KNSTRN: variants seen among roughly 807,000 people sequenced by gnomAD.
KNSTRN encodes small kinetochore-associated protein.
Under a neutral mutation model 44.7 loss-of-function variants are expected in KNSTRN, and 38 were observed. The observed-to-expected ratio is 0.85, with a 90% CI of 0.66 to 1.11. The LOEUF is 1.11. Ranked by LOEUF, KNSTRN falls within the 50% of genes most tolerant of loss-of-function variation. KNSTRN has a pLI of 0.00. For missense variants in KNSTRN, 406 were observed against 375.8 expected (o/e 1.08, Z -0.66); for synonymous variants, 158 against 148.1 (o/e 1.07, Z -0.48).
Position 40,382,775 on chromosome 15 carries a change from G to C in KNSTRN, c.-61G>C, listed in dbSNP as rs1889826531. 1.4e-6 allele frequency: 2 copies of C among 1,465,080 alleles called. No individual in the cohort carries two copies. Among genetic ancestry groups the C allele is most frequent in the African/African-American group, 1.4e-5 (1 of 71,496 alleles). 90.8% of individuals were successfully genotyped at this position (1,465,080 alleles called of 1,614,324 possible). The stretch of plus-strand genomic sequence containing the variant: ...TCACCCTCCTCCTCTGCCCAGACCT[G>C]GGGGCTCCAACACCTTTCGCTAGGT... On this transcript the variant is annotated 5_prime_UTR_variant, in exon 1 of 9. Transcript: ENST00000249776.
At chr15:40,392,364 A>G (rs752407319) in intron 8 of KNSTRN, among the ~76,000 whole-genome samples, 8 of 152,170 alleles carry the variant, frequency 5.3e-5, no homozygotes, top group Admixed American at 6.5e-5. Flanking sequence ...CCCAATAGTA[A>G]CATCTTACAT....
intron 4 of KNSTRN, among the ~76,000 whole-genome samples, chr15:40,387,589 A>C (rs1417404323): frequency 6.6e-6 from 1 of 152,212 alleles, no homozygotes; most frequent in Non-Finnish European, 1.5e-5. Context: ...AACCTGGAGA[A>C]GGATTCATGT....
At chr15:40,393,313 GA>G in intron 8 of KNSTRN, 155 bp from the exon 9 acceptor site, 2 of 1,607,210 alleles carry the variant, frequency 1.2e-6, no homozygotes, top group Non-Finnish European at 1.7e-6. Context: ...CCAGTGCATA[GA>G]AATAAAATCT....
At chr15:40,388,659 C>T (rs2141274453) in intron 4 of KNSTRN, among the ~76,000 whole-genome samples, 1 of 151,448 alleles carries the variant, frequency 6.6e-6, no homozygotes, top group East Asian at 1.9e-4. Flanking sequence ...CACGCCACTG[C>T]ACTCCAGCCT....
At chr15:40,390,885 G>A (rs1357403076) in intron 6 of KNSTRN, among the ~76,000 whole-genome samples, 2 of 152,102 alleles carry the variant, frequency 1.3e-5, no homozygotes, top group African/African-American at 2.4e-5. Context: ...AGAGTGCTGG[G>A]TTTACAGACA....
chr15:40,391,394 C>G, intron 6 of KNSTRN, 99 bp from the exon 7 acceptor site: 1 of 945,636 alleles, frequency 1.1e-6, no homozygotes, highest in South Asian at 1.4e-5. Context: ...AGAAATTCCC[C>G]TCATGAATAT....
intron 4 of KNSTRN, 21 bp downstream of exon 4, chr15:40,387,227 A>G (rs1431630508): frequency 3.8e-6 from 6 of 1,590,816 alleles, no homozygotes; most frequent in South Asian, 1.1e-5. Context: ...GGGTAAATCA[A>G]CTTGGCCACT....
intron 2 of KNSTRN, 114 bp from the exon 3 acceptor site, chr15:40,386,248 T>G: frequency 1.8e-6 from 2 of 1,121,592 alleles, no homozygotes; most frequent in South Asian, 3.5e-5. Flanking sequence ...TAATACTTTT[T>G]AAAATAAAGT....
rs182324939 is a variant in KNSTRN at position 40,382,807 on chromosome 15, C to G, written c.-29C>G. The G allele has an allele frequency of 4.1e-4, 655 of 1,598,434 alleles. 5 individuals carry two copies. The African/African-American group carries it at 7.2e-3, about 18-fold the overall frequency. ...CCAACACCTTTCGCTAGGTCTGGCT[C>G]TGGCCTCTGAGCGAACCTTCCGTAC... On this transcript the variant is annotated 5_prime_UTR_variant, in exon 1 of 9. Transcript: ENST00000249776.
chr15:40,385,803 T>A (rs986244915), intron 2 of KNSTRN, among the ~76,000 whole-genome samples: 3 of 152,220 alleles, frequency 2.0e-5, no homozygotes, highest in African/African-American at 7.2e-5. Context: ...CCATGTTCAC[T>A]TTTACAGCCT....
chr15:40,386,810 G>C (rs1889910903), intron 3 of KNSTRN: 3 of 503,082 alleles, frequency 6.0e-6, no homozygotes, highest in Non-Finnish European at 1.1e-5. Context: ...TGTTATCCTA[G>C]GTTGCTGCTC....
At chr15:40,383,540 T>G (rs1424771649) in intron 2 of KNSTRN, 1 of 548,572 alleles carries the variant, frequency 1.8e-6, no homozygotes, top group Admixed American at 3.2e-5. Context: ...TCTGCCCGCA[T>G]GTGTACTGTA....
At position 40,382,871 on chromosome 15, in the gene KNSTRN, T is replaced by G. The variant is rs769292931; in HGVS notation, c.36T>G (p.Val12=). 1 of 1,612,196 alleles carries G rather than the reference T, an allele frequency of 6.2e-7. No homozygotes were observed. Among genetic ancestry groups the G allele is most frequent in the Non-Finnish European group, 8.5e-7 (1 of 1,179,992 alleles). ...CCGAAGCCCCGCCCCTGGACAGAGT[T>G]TTCCGTACAACATGGCTGTCTACAG... The part of the protein sequence containing the change: ...AAPEAPPLDR[V]FRTTWLSTEC... The change falls in exon 1 of 9, where the codon GTT becomes GTG. Residue 12 remains valine (V), a synonymous_variant. Transcript: ENST00000249776.
At chr15:40,384,111 C>A in intron 2 of KNSTRN, 1 of 188,172 alleles carries the variant, frequency 5.3e-6, no homozygotes, top group South Asian at 7.8e-5. Flanking sequence ...CGGTGGCTCA[C>A]GCCTGTAATC....
intron 3 of KNSTRN, chr15:40,386,767 C>A (rs1440166002): frequency 2.2e-4 from 115 of 513,426 alleles, no homozygotes; most frequent in Non-Finnish European, 4.9e-5. Flanking sequence ...ATACAGCAAC[C>A]CTGAGGGGTA....
chr15:40,388,232 G>C (rs976797518), intron 4 of KNSTRN, among the ~76,000 whole-genome samples: 1 of 152,162 alleles, frequency 6.6e-6, no homozygotes, highest in African/African-American at 2.4e-5. Context: ...ATTTGCCCAC[G>C]TATTTATTAA....
intron 5 of KNSTRN, 68 bp downstream of exon 5, chr15:40,389,679 G>C (rs191939801): frequency 2.8e-5 from 37 of 1,343,782 alleles, no homozygotes; most frequent in Non-Finnish European, 3.3e-5. Flanking sequence ...CTGATGGGTG[G>C]CCCCTTGGAT....
At chr15:40,384,741 T>TG (rs1456642796) in intron 2 of KNSTRN, 1 of 183,574 alleles carries the variant, frequency 5.4e-6, no homozygotes, top group East Asian at 1.7e-4. Context: ...TATGCACATG[T>TG]GAAAAAAAAA....
At position 40,386,492 on chromosome 15, in the gene KNSTRN, T is replaced by A. The variant is rs1889904965; in HGVS notation, c.435T>A (p.Asn145Lys). ...AAATCACCAAACTGAGACGAGAGAA[T>A]GGGTGAGAACGGATCATTAGTATCC... ...VTKITKLRRE[N>K]GQMKATDTAT... The change falls in exon 3 of 9, where the codon AAT becomes AAA. Residue 145 changes from asparagine to lysine, a missense_variant and splice_region_variant. Asn to Lys is a moderately conservative substitution (Grantham distance 94). Transcript: ENST00000249776. 1 of 1,613,932 alleles carries A rather than the reference T, an allele frequency of 6.2e-7. No individual in the cohort carries two copies. Among genetic ancestry groups the A allele is most frequent in the African/African-American group, 1.3e-5 (1 of 74,914 alleles).
Sources: allele counts gnomAD v4.1 joint callset (sites outside exome capture counted in the v4.1 genomes callset), GRCh38; gene constraint gnomAD v4.1.1; transcripts MANE v1.5; gene names NCBI Gene and HGNC (gene_info 2026-07-23, HGNC 2026-07-21).